Variants in PMS1 observed in about 807,000 individuals in gnomAD.
The protein encoded by PMS1 is PMS1 protein homolog 1.
Under a neutral mutation model 93.1 loss-of-function variants are expected in PMS1, and 79 were observed. That is an observed-to-expected ratio of 0.85 (90% CI 0.71 to 1.02). The LOEUF (loss-of-function observed/expected upper bound fraction) is 1.02. Among genes scored for constraint, PMS1 ranks in the 50% least tolerant of loss-of-function variants. The pLI, the probability that PMS1 is intolerant of heterozygous loss-of-function variation, is 0.00. For missense variants in PMS1, 1,064 were observed against 1,085.3 expected (o/e 0.98, Z 0.28); for synonymous variants, 335 against 363.4 (o/e 0.92, Z 0.89).
At chr2:189,791,264 T>G (rs2048842048) in intron 1 of PMS1, among the ~76,000 whole-genome samples, 1 of 152,176 alleles carries the variant, frequency 6.6e-6, no homozygotes, top group Non-Finnish European at 1.5e-5. Context: ...TCTTTATGCC[T>G]TAGTAGTTTT....
intron 12 of PMS1, 141 bp from the exon 13 acceptor site, chr2:189,877,131 A>G (rs2057644165): frequency 4.2e-6 from 3 of 710,654 alleles, no homozygotes; most frequent in East Asian, 2.7e-5. Flanking sequence ...AGCTGACAAC[A>G]TAGTTGATAC....
At chr2:189,814,373 C>A (rs2051093500) in intron 4 of PMS1, among the ~76,000 whole-genome samples, 1 of 151,648 alleles carries the variant, frequency 6.6e-6, no homozygotes, top group East Asian at 1.9e-4. Context: ...AAGAAAAAAG[C>A]AGAAAAACAT....
chr2:189,787,608 T>TA (rs200704397), intron 1 of PMS1, among the ~76,000 whole-genome samples: 2,785 of 151,882 alleles, frequency 0.018, 99 homozygotes, highest in African/African-American at 0.064. Context: ...TTTTTATTTT[T>TA]TTTTTAGCTT....
intron 9 of PMS1, among the ~76,000 whole-genome samples, chr2:189,858,820 T>A (rs145217937): frequency 2.0e-5 from 3 of 152,278 alleles, no homozygotes; most frequent in Admixed American, 6.5e-5. Flanking sequence ...GCCATTTTTT[T>A]AATGTAGTTT....
At chr2:189,793,852 A>G (rs191308388) in intron 2 of PMS1, among the ~76,000 whole-genome samples, 2 of 152,354 alleles carry the variant, frequency 1.3e-5, no homozygotes, top group East Asian at 1.9e-4. Flanking sequence ...TTATGCTATA[A>G]TAGCTATCCT....
At chr2:189,804,900 GT>G (rs1013327498) in intron 3 of PMS1, among the ~76,000 whole-genome samples, 15 of 150,100 alleles carry the variant, frequency 1.0e-4, no homozygotes, top group Non-Finnish European at 1.6e-4. Flanking sequence ...CTTTTTTTTT[GT>G]TTTTTTTCTG....
intron 1 of PMS1, among the ~76,000 whole-genome samples, chr2:189,785,970 C>G (rs1014107819): frequency 2.6e-5 from 4 of 151,982 alleles, no homozygotes; most frequent in Admixed American, 2.6e-4. Flanking sequence ...ACTAAAAATA[C>G]GAAAATTAGC....
intron 7 of PMS1, 127 bp from the exon 8 acceptor site, chr2:189,853,812 G>A (rs575814571): frequency 3.8e-5 from 23 of 612,766 alleles, no homozygotes; most frequent in Middle Eastern, 4.6e-4. Context: ...CCACTGTGCC[G>A]GGTCATGATA....
intron 4 of PMS1, 87 bp downstream of exon 4, chr2:189,805,841 A>G: frequency 6.4e-7 from 1 of 1,574,048 alleles, no homozygotes; most frequent in Non-Finnish European, 8.6e-7. Flanking sequence ...CGGTGAATAC[A>G]AATATATTGC....
chr2:189,855,544 CCTTT>C lies in PMS1; in HGVS notation c.1856+420_1856+423del, dbSNP rs200774515. 4.4e-3 allele frequency among the ~76,000 whole-genome samples: 672 copies of C among 151,402 alleles called. 6 individuals are homozygous for C. Among genetic ancestry groups the C allele is most frequent in the African/African-American group, 0.015 (632 of 41,354 alleles). Reference sequence around the variant, plus strand: ...GGTGTTTTTAATATCTTAACTATTCCCTTTCTTAAATTGGTCTCCAAAATATGTA... The same window carrying C: ...GGTGTTTTTAATATCTTAACTATTCCCTTAAATTGGTCTCCAAAATATGTA... On this transcript the variant is annotated intron_variant, in intron 9 of 12. Transcript: ENST00000441310.
At chr2:189,828,583 A>T (rs1280294568) in intron 5 of PMS1, among the ~76,000 whole-genome samples, 2 of 152,214 alleles carry the variant, frequency 1.3e-5, no homozygotes, top group Non-Finnish European at 2.9e-5. Context: ...CAACCTGTAT[A>T]TGTAAACTCT....
intron 5 of PMS1, among the ~76,000 whole-genome samples, chr2:189,836,372 T>A (rs1287223633): frequency 6.6e-6 from 1 of 152,222 alleles, no homozygotes; most frequent in African/African-American, 2.4e-5. Context: ...ATCCAGGTGC[T>A]CCAACTTTGT....
At chr2:189,862,055 T>G (rs949292548) in intron 9 of PMS1, among the ~76,000 whole-genome samples, 1 of 152,176 alleles carries the variant, frequency 6.6e-6, no homozygotes, top group Non-Finnish European at 1.5e-5. Flanking sequence ...TCAACCCTAA[T>G]TTCTTCACAT....
intron 10 of PMS1, among the ~76,000 whole-genome samples, chr2:189,865,026 T>C (rs1047970954): frequency 6.6e-6 from 1 of 151,850 alleles, no homozygotes; most frequent in African/African-American, 2.4e-5. Context: ...ACATTTTCTT[T>C]CCTTCGCAAA....
intron 9 of PMS1, among the ~76,000 whole-genome samples, chr2:189,859,346 T>C (rs2055702385): frequency 6.6e-6 from 1 of 152,168 alleles, no homozygotes; most frequent in Admixed American, 6.5e-5. Flanking sequence ...AAAGATTAAA[T>C]AATTTTCATA....
intron 3 of PMS1, among the ~76,000 whole-genome samples, chr2:189,797,997 G>A (rs2049511396): frequency 6.6e-6 from 1 of 152,194 alleles, no homozygotes; most frequent in Non-Finnish European, 1.5e-5. Flanking sequence ...AACTTGCTGA[G>A]CATTACAGCT....
In PMS1 at chr2:189,864,116, GTA is replaced by G; in HGVS notation, c.2231_2232del (p.Val744AspfsTer7). 1.2e-6 allele frequency: 2 copies of G among 1,613,120 alleles called. No homozygotes were observed. The highest frequency in any genetic ancestry group is 1.7e-6 in the Non-Finnish European group (2 of 1,179,370). The part of the protein sequence containing the change: ...DAWLMTSKTE[V>X]MLLNPYRVEE... ...ATGGCTAATGACATCCAAAACAGAGGTAATGTTATTAAATCCATATAGAGTAG... is the reference window on the plus strand; with the variant it reads ...ATGGCTAATGACATCCAAAACAGAGGATGTTATTAAATCCATATAGAGTAG... On this transcript the variant is annotated frameshift_variant, in exon 10 of 13. Coordinates refer to ENST00000441310, the MANE Select transcript of PMS1 (RefSeq NM_000534.5). LOFTEE classifies it high-confidence loss of function.
At chr2:189,849,040 C>T (rs1435548305) in intron 6 of PMS1, among the ~76,000 whole-genome samples, 1 of 152,136 alleles carries the variant, frequency 6.6e-6, no homozygotes, top group Non-Finnish European at 1.5e-5. Flanking sequence ...TGCTATTGGC[C>T]ATTAAGGAAC....
chr2:189,868,932 C>T (rs941636184), intron 11 of PMS1, among the ~76,000 whole-genome samples: 21 of 152,178 alleles, frequency 1.4e-4, no homozygotes, highest in African/African-American at 4.8e-4. Flanking sequence ...CCTGGCCTCA[C>T]TGTGTCTTCA....
Sources: allele counts gnomAD v4.1 joint callset (sites outside exome capture counted in the v4.1 genomes callset), GRCh38; gene constraint gnomAD v4.1.1; transcripts MANE v1.5; gene names NCBI Gene and HGNC (gene_info 2026-07-23, HGNC 2026-07-21).